Variants in SLC12A4 observed in about 807,000 individuals in gnomAD.
The protein encoded by SLC12A4 is solute carrier family 12 member 4, also known as electroneutral potassium-chloride cotransporter 1.
Under a neutral mutation model 119.2 loss-of-function variants are expected in SLC12A4, and 84 were observed. The observed-to-expected ratio is 0.70, with a 90% CI of 0.59 to 0.85. SLC12A4 has a LOEUF of 0.85. Among genes scored for constraint, SLC12A4 ranks in the 40% least tolerant of loss-of-function variants. SLC12A4 has a pLI of 0.00. For synonymous variants in SLC12A4, 599 were observed against 604.6 expected (o/e 0.99, Z 0.14); for missense variants, 1,298 against 1,476.3 (o/e 0.88, Z 1.98).
intron 17 of SLC12A4, 55 bp downstream of exon 17, chr16:67,946,882 G>C: frequency 6.4e-7 from 1 of 1,557,126 alleles, no homozygotes; most frequent in South Asian, 1.2e-5. Flanking sequence ...CTCCGTGCCA[G>C]CTGCAGTCCA....
At chr16:67,953,824 C>T (rs1340188149) in intron 6 of SLC12A4, among the ~76,000 whole-genome samples, 1 of 152,004 alleles carries the variant, frequency 6.6e-6, no homozygotes, top group African/African-American at 2.4e-5. Flanking sequence ...GGATTACAAC[C>T]CAAAGAATAA....
chr16:67,957,233 A>G (rs1430521211), intron 5 of SLC12A4, among the ~76,000 whole-genome samples: 1 of 148,418 alleles, frequency 6.7e-6, no homozygotes, highest in Non-Finnish European at 1.5e-5. Flanking sequence ...GCAGTGGTGC[A>G]ATCTCGGCTC....
At chr16:67,947,606 C>A (rs1337358737) in intron 15 of SLC12A4, 63 bp downstream of exon 15, 2 of 1,552,884 alleles carry the variant, frequency 1.3e-6, no homozygotes, top group African/African-American at 1.4e-5. Flanking sequence ...CAATGCCAGA[C>A]CACCCTGCCT....
rs372127326 is a variant in SLC12A4, at chr16:67,946,459, G to C, written c.2416C>G (p.Arg806Gly). 1 of 1,606,284 alleles carries C rather than the reference G, an allele frequency of 6.2e-7. No individual in the cohort carries two copies. ...ACACCAATGAAGGTCTTCCAGGCAC[G>C]GGGGTCCTCGCTCTGTCGCCAGCCG... ...PYGWRQSEDPRAWKTFIDTVR... is the reference protein window; with the variant it reads ...PYGWRQSEDPGAWKTFIDTVR... Residue 806 changes from arginine (R) to glycine (G), a missense_variant, in exon 18 of 24, where the codon CGT (arginine) becomes GGT (glycine). Coordinates refer to ENST00000316341, the MANE Select transcript of SLC12A4 (RefSeq NM_005072.5).
chr16:67,964,125 G>T (rs2030749753), intron 1 of SLC12A4: 1 of 1,496,054 alleles, frequency 6.7e-7, no homozygotes, highest in Non-Finnish European at 9.0e-7. Context: ...CAAGCCCCAG[G>T]CCGTGGAGAG....
rs1340272872 is a variant in SLC12A4 at position 67,946,159 on chromosome 16, C to T, written c.2607+12G>A. ...CCTAGCCCCTCTCATCTGCACCCAC[C>T]CCCTGGTCTACCTTATGCTGGCGCA... On this transcript the variant is annotated intron_variant, in intron 19 of 23. Coordinates refer to ENST00000316341, the MANE Select transcript of SLC12A4 (RefSeq NM_005072.5). 1 of 1,613,794 alleles carries T rather than the reference C, an allele frequency of 6.2e-7. No individual in the cohort carries two copies. Among genetic ancestry groups the T allele is most frequent in the Non-Finnish European group, 8.5e-7 (1 of 1,179,928 alleles).
At chr16:67,952,881 G>A (rs2030009990) in intron 6 of SLC12A4, among the ~76,000 whole-genome samples, 2 of 151,692 alleles carry the variant, frequency 1.3e-5, no homozygotes, top group African/African-American at 4.9e-5. Flanking sequence ...GAGGTCAGGA[G>A]TTTGAGACCA....
Position 67,952,305 on chromosome 16 carries a change from C to T in SLC12A4, c.796G>A (p.Val266Met). 1 of 1,614,124 alleles carries T rather than the reference C, an allele frequency of 6.2e-7. No individual in the cohort carries two copies. Among genetic ancestry groups the T allele is most frequent in the Non-Finnish European group, 8.5e-7 (1 of 1,180,032 alleles). ...TIFLTFMTLV[V>M]FVGVKYVNKF... ...TTCACATACTTGACCCCCACAAACA[C>T]CACCAGGGTCATGAAGGTCAGGAAA... Residue 266 changes from valine to methionine, a missense_variant, in exon 7 of 24, where the codon GTG (valine) becomes ATG (methionine). Val to Met is a conservative substitution (Grantham distance 21). Coordinates refer to ENST00000316341, the MANE Select transcript of SLC12A4 (RefSeq NM_005072.5).
intron 6 of SLC12A4, among the ~76,000 whole-genome samples, chr16:67,954,386 A>C (rs1443991872): frequency 6.6e-6 from 1 of 152,228 alleles, no homozygotes; most frequent in African/African-American, 2.4e-5. Context: ...CCATGGCTGC[A>C]ATGGTGCCCA....
In SLC12A4 at chr16:67,949,920, T is replaced by C. The variant is rs2058394522; in HGVS notation, c.1630-2A>G. ...ATTCACCTTCCCGTGGCCAAACACC[T>C]GTGTGCACCAGGAAGGAAGCTGGGT... On this transcript the variant is annotated splice_acceptor_variant, in intron 12 of 23. Coordinates refer to ENST00000316341, the MANE Select transcript of SLC12A4 (RefSeq NM_005072.5). LOFTEE classifies it high-confidence loss of function. The surrounding 1 kb of genome is among the most constrained non-coding windows in gnomAD (Gnocchi z 4.6). The C allele has an allele frequency of 3.1e-6, 5 of 1,606,756 alleles. No individual in the cohort carries two copies. Among genetic ancestry groups the C allele is most frequent in the African/African-American group, 2.7e-5 (2 of 74,676 alleles).
chr16:67,947,216 CA>C, intron 16 of SLC12A4, 111 bp from the exon 17 acceptor site: 6 of 1,497,094 alleles, frequency 4.0e-6, no homozygotes, highest in Non-Finnish European at 5.4e-6. Flanking sequence ...TAGCATGGCC[CA>C]GGAGGGTGCC....
intron 4 of SLC12A4, 26 bp from the exon 5 acceptor site, chr16:67,957,822 C>A: frequency 6.2e-7 from 1 of 1,614,122 alleles, no homozygotes; most frequent in Admixed American, 1.7e-5. Context: ...CCTGGGTGAG[C>A]GGCTCAGCTG....
Position 67,944,428 on chromosome 16 carries a change from C to G in SLC12A4, c.*412G>C. The G allele has an allele frequency of 1.6e-6, 2 of 1,269,492 alleles. No homozygotes were observed. Among genetic ancestry groups the G allele is most frequent in the Middle Eastern group, 3.0e-4 (1 of 3,304 alleles). The allele number at this position is 1,269,492 out of a possible 1,614,324, so 78.6% of individuals were successfully genotyped here. A position where few individuals can be genotyped will look rare whatever the true frequency, so the allele number is the denominator to read the frequency against. Reference sequence around the variant, plus strand: ...GGGCCCTGCCCATAGTAGACTGAGCCAGATCTTCCTGCAGGCAGCTGGGCT... The same window carrying G: ...GGGCCCTGCCCATAGTAGACTGAGCGAGATCTTCCTGCAGGCAGCTGGGCT... On this transcript the variant is annotated 3_prime_UTR_variant, in exon 24 of 24. Transcript: ENST00000316341. This position sits in a 1 kb window ranked among gnomAD's most constrained non-coding sequence, Gnocchi z 6.6.
Position 67,944,414 on chromosome 16 carries a change from ATAG to A in SLC12A4, c.*423_*425del, listed in dbSNP as rs2058317639. 3.1e-6 allele frequency: 4 copies of A among 1,293,966 alleles called. No individual in the cohort carries two copies. In the East Asian group the frequency reaches 1.2e-4, roughly 40 times the overall value. The allele number at this position is 1,293,966 out of a possible 1,614,324, so 80.2% of individuals were successfully genotyped here. ...CTCAGCTTGGTGGGGGGCCCTGCCC[ATAG>A]TAGACTGAGCCAGATCTTCCTGCAG... is the stretch of plus-strand genomic sequence containing the variant. On this transcript the variant is annotated 3_prime_UTR_variant, in exon 24 of 24. Transcript: ENST00000316341. This position sits in a 1 kb window ranked among gnomAD's most constrained non-coding sequence, Gnocchi z 6.6.
intron 5 of SLC12A4, among the ~76,000 whole-genome samples, chr16:67,956,821 A>C (rs1598223487): frequency 7.2e-6 from 1 of 139,786 alleles, no homozygotes; most frequent in Admixed American, 7.0e-5. Flanking sequence ...AATACACACA[A>C]ACACACACAC....
chr16:67,967,324 A>C (rs1243800577), intron 1 of SLC12A4, among the ~76,000 whole-genome samples: 1 of 152,172 alleles, frequency 6.6e-6, no homozygotes, highest in Non-Finnish European at 1.5e-5. Flanking sequence ...CACACTTCCT[A>C]CATATCTCCA....
chr16:67,955,592 A>T (rs554812980), intron 5 of SLC12A4, among the ~76,000 whole-genome samples: 6 of 152,124 alleles, frequency 3.9e-5, no homozygotes, highest in East Asian at 3.9e-4. Flanking sequence ...ATACATTTTT[A>T]AAAAAAGGCC....
At chr16:67,966,648 G>A (rs1475344182) in intron 1 of SLC12A4, 7 of 1,412,366 alleles carry the variant, frequency 5.0e-6, no homozygotes, top group Non-Finnish European at 3.9e-6. Context: ...CAGAGCAGAG[G>A]TGTGGGCACT....
chr16:67,954,800 C>T (rs1384230680), intron 5 of SLC12A4, 27 bp from the exon 6 acceptor site: 1 of 1,613,476 alleles, frequency 6.2e-7, no homozygotes, highest in Non-Finnish European at 8.5e-7. Flanking sequence ...AAAGTGTGCA[C>T]AGGTCAAGGC....
Sources: gnomAD v4.1 joint callset for allele counts (sites outside exome capture counted in the v4.1 genomes callset) on GRCh38, gnomAD v4.1.1 for gene constraint, Gnocchi (gnomAD v3.1) non-coding constraint, MANE v1.5 for transcripts, NCBI Gene and HGNC (gene_info 2026-07-23, HGNC 2026-07-21) for gene names.